PHB1: variants seen among roughly 807,000 people sequenced by gnomAD.
PHB1 encodes the protein prohibitin 1.
the PHB1 span, among the ~76,000 whole-genome samples, chr17:49,414,555 A>T: frequency 1.7e-3 from 264 of 152,048 alleles, no homozygotes; most frequent in African/African-American, 5.8e-3. Flanking sequence ...TCCTGAGACT[A>T]CCCTGATCTC....
chr17:49,406,924 T>C, the PHB1 span: 69,687 of 1,119,906 alleles, frequency 0.062, 2,783 homozygotes, highest in South Asian at 0.11. Flanking sequence ...GAGGGCTCCA[T>C]GGCCGCTGGA....
At chr17:49,411,882 C>T in the PHB1 span, 4 of 1,581,706 alleles carry the variant, frequency 2.5e-6, no homozygotes, top group African/African-American at 1.3e-5. Flanking sequence ...ATCCTCTCAT[C>T]CTTTAAACAA....
chr17:49,413,512 CTTT>C, the PHB1 span, among the ~76,000 whole-genome samples: 3 of 124,782 alleles, frequency 2.4e-5, no homozygotes, highest in Non-Finnish European at 3.4e-5. Context: ...CTTTTCTTTC[CTTT>C]TTTTTTTTTT....
the PHB1 span, chr17:49,405,269 AG>A: frequency 7.1e-7 from 1 of 1,415,434 alleles, no homozygotes; most frequent in Non-Finnish European, 9.8e-7. Context: ...CTACAACCAA[AG>A]GCCCTTCACC....
At chr17:49,412,067 G>T in the PHB1 span, 1 of 460,636 alleles carries the variant, frequency 2.2e-6, no homozygotes, top group Non-Finnish European at 3.8e-6. Context: ...CTGTTCCTTA[G>T]CATCCTTTCT....
chr17:49,408,532 T>C, the PHB1 span, among the ~76,000 whole-genome samples: 2 of 152,222 alleles, frequency 1.3e-5, no homozygotes, highest in African/African-American at 2.4e-5. Context: ...GAGATGTCCC[T>C]TGCCCCCTAT....
chr17:49,410,702 A>C, the PHB1 span, among the ~76,000 whole-genome samples: 1 of 152,306 alleles, frequency 6.6e-6, no homozygotes, highest in Non-Finnish European at 1.5e-5. Flanking sequence ...CTATTTACTA[A>C]TGATGTGGCC....
chr17:49,413,381 G>C, the PHB1 span: 1 of 703,508 alleles, frequency 1.4e-6, no homozygotes, highest in Admixed American at 2.2e-5. Context: ...TTTTCAACCT[G>C]GCTATTTATT....
the PHB1 span, among the ~76,000 whole-genome samples, chr17:49,408,118 G>A: frequency 6.6e-6 from 1 of 152,224 alleles, no homozygotes; most frequent in African/African-American, 2.4e-5. Flanking sequence ...CAGGTTAACG[G>A]TAATTACGAG....
At chr17:49,413,022 T>C in the PHB1 span, 25 of 609,486 alleles carry the variant, frequency 4.1e-5, no homozygotes, top group East Asian at 7.1e-4. Flanking sequence ...CTGATAACAA[T>C]GCAGTCCTGT....
chr17:49,406,097 T>C, the PHB1 span, among the ~76,000 whole-genome samples: 1 of 152,220 alleles, frequency 6.6e-6, no homozygotes, highest in Non-Finnish European at 1.5e-5. Flanking sequence ...TGTACTAGAC[T>C]TATTATAATC....
At chr17:49,411,630 C>A in the PHB1 span, 1 of 1,534,878 alleles carries the variant, frequency 6.5e-7, no homozygotes, top group Non-Finnish European at 9.0e-7. Context: ...AAGAACAGAG[C>A]ACCTCTTCCA....
the PHB1 span, chr17:49,414,323 G>A: frequency 3.9e-5 from 6 of 152,068 alleles, no homozygotes; most frequent in Non-Finnish European, 8.8e-5. Context: ...GACATCCTGG[G>A]GCCAAGATAA....
the PHB1 span, chr17:49,404,115 T>G: frequency 6.6e-6 from 1 of 152,598 alleles, no homozygotes; most frequent in Non-Finnish European, 1.5e-5. Context: ...TCCTTCCCAG[T>G]GCAGGCATAG....
At chr17:49,409,722 T>C in the PHB1 span, among the ~76,000 whole-genome samples, 4 of 151,878 alleles carry the variant, frequency 2.6e-5, no homozygotes, top group Non-Finnish European at 5.9e-5. Flanking sequence ...GTATTTTTAG[T>C]AGAGACAGGG....
the PHB1 span, chr17:49,406,651 GGAA>G: frequency 1.2e-6 from 1 of 805,766 alleles, no homozygotes; most frequent in Admixed American, 1.9e-5. Flanking sequence ...TGATTATCCC[GGAA>G]GAAGGGATGA....
the PHB1 span, chr17:49,414,108 TA>T: frequency 2.6e-5 from 4 of 152,176 alleles, no homozygotes; most frequent in Non-Finnish European, 5.9e-5. Flanking sequence ...TTCTCACAAT[TA>T]CCCTATGAAG....
chr17:49,404,967 G>A, the PHB1 span: 873 of 1,498,952 alleles, frequency 5.8e-4, no homozygotes, highest in Non-Finnish European at 7.0e-4. Context: ...CAGTCAGCCC[G>A]CGGAGGTGCA....
the PHB1 span, among the ~76,000 whole-genome samples, chr17:49,408,508 T>C: frequency 2.0e-4 from 30 of 152,210 alleles, no homozygotes; most frequent in African/African-American, 6.8e-4. Context: ...CTCAAGAGGA[T>C]AGCTTACGCC....
Sources: gnomAD v4.1 joint callset for allele counts (sites outside exome capture counted in the v4.1 genomes callset) on GRCh38, gnomAD v4.1.1 for gene constraint, MANE v1.5 for transcripts, NCBI Gene and HGNC (gene_info 2026-07-23, HGNC 2026-07-21) for gene names.